The following GRAMD1B variants were observed in gnomAD, a reference collection of about 807,000 sequenced individuals.
GRAMD1B encodes the protein GRAM domain containing 1B.
In GRAMD1B, 37 loss-of-function variants were observed where a neutral mutation model predicts 99.7. The observed-to-expected ratio is 0.37, with a 90% confidence interval of 0.29 to 0.49. The LOEUF (loss-of-function observed/expected upper bound fraction) is 0.49. GRAMD1B is among the 20% of genes least tolerant of loss of function. GRAMD1B has a pLI of 0.98. For synonymous variants in GRAMD1B, 427 were observed against 387.6 expected, an observed-to-expected ratio of 1.10 and a Z score of -1.19; for missense variants, 888 against 1,009.2, an observed-to-expected ratio of 0.88 and a Z score of 1.63.
At chr11:123,526,932 A>G (rs539526265) in intron 2 of GRAMD1B, among the ~76,000 whole-genome samples, 1 of 152,324 alleles carries the variant, frequency 6.6e-6, no homozygotes, top group South Asian at 2.1e-4. Flanking sequence ...GGGCAGGTGA[A>G]TTGGCTTTTC....
chr11:123,545,518 C>A lies in GRAMD1B; in HGVS notation c.453-31849C>A, dbSNP rs371702493. On this transcript the variant is annotated intron_variant, in intron 2 of 19. Coordinates refer to ENST00000635736, the MANE Select transcript of GRAMD1B (RefSeq NM_001387025.1). ...TCGTTAGTGGTCAAGAGCAGGTATC[C>A]TGGAGCCAGGCCCCTGGGTTTGAAT... Among the ~76,000 whole-genome samples the A allele has an allele frequency of 3.9e-5, 6 of 152,276 alleles. No homozygotes were observed. The South Asian group carries it at 6.2e-4, about 16-fold the overall frequency.
intron 15 of GRAMD1B, 113 bp from the exon 16 acceptor site, chr11:123,613,342 T>C: frequency 1.1e-5 from 8 of 753,724 alleles, no homozygotes; most frequent in Non-Finnish European, 1.8e-5. Flanking sequence ...TCCCTGAGGA[T>C]CCTCAACCCA....
chr11:123,499,007 A>G (rs1001866608), intron 2 of GRAMD1B, among the ~76,000 whole-genome samples: 1 of 152,194 alleles, frequency 6.6e-6, no homozygotes, highest in Non-Finnish European at 1.5e-5. Flanking sequence ...TACTCTAGCT[A>G]ATATCCGGCA....
chr11:123,434,966 G>A (rs1949094713), intron 1 of GRAMD1B, among the ~76,000 whole-genome samples: 1 of 152,210 alleles, frequency 6.6e-6, no homozygotes, highest in Non-Finnish European at 1.5e-5. Context: ...ATCTCTGTGG[G>A]TTAATGGGAA....
At chr11:123,602,301 A>AATTATTAATATT (rs1555097713) in intron 8 of GRAMD1B, among the ~76,000 whole-genome samples, 1 of 150,322 alleles carries the variant, frequency 6.7e-6, no homozygotes, top group South Asian at 2.1e-4. Context: ...GGAGCTCTCA[A>AATTATTAATATT]ATTATTATTA....
intron 19 of GRAMD1B, among the ~76,000 whole-genome samples, chr11:123,619,798 G>C (rs1411576308): frequency 6.6e-6 from 1 of 152,124 alleles, no homozygotes; most frequent in Non-Finnish European, 1.5e-5. Flanking sequence ...TAGTTTCCTT[G>C]GGGGAGGGAG....
At chr11:123,526,094 G>T in intron 2 of GRAMD1B, 1 of 1,525,612 alleles carries the variant, frequency 6.6e-7, no homozygotes, top group South Asian at 1.1e-5. Context: ...TGGGACCTCC[G>T]GAGCTGTAAC....
intron 1 of GRAMD1B, among the ~76,000 whole-genome samples, chr11:123,433,978 C>G (rs542164000): frequency 2.6e-5 from 4 of 152,128 alleles, no homozygotes; most frequent in African/African-American, 9.6e-5. Flanking sequence ...GCCTGTAATC[C>G]TAGCACTTTG....
In GRAMD1B at chr11:123,455,967, C is replaced by T. The variant is rs533870327; in HGVS notation, c.374+24801C>T. 2.6e-4 allele frequency among the ~76,000 whole-genome samples: 40 copies of T among 151,810 alleles called. 2 individuals carry two copies. The South Asian group carries it at 6.5e-3, about 25-fold the overall frequency. On this transcript the variant is annotated intron_variant, in intron 1 of 19. Coordinates refer to ENST00000635736, the MANE Select transcript of GRAMD1B (RefSeq NM_001387025.1). ...GGCGGATCATTTGAGGTCAGGAGTT[C>T]GAGACCAGCCTGACCAACATGGTGA...
chr11:123,525,527 C>G (rs1030102216), intron 2 of GRAMD1B: 1 of 152,804 alleles, frequency 6.5e-6, no homozygotes, highest in African/African-American at 2.4e-5. Flanking sequence ...ACATTCCTCA[C>G]GCACCCTCTC....
chr11:123,571,178 C>T (rs1252099606), intron 2 of GRAMD1B, among the ~76,000 whole-genome samples: 1 of 152,250 alleles, frequency 6.6e-6, no homozygotes, highest in Non-Finnish European at 1.5e-5. Flanking sequence ...CACCGGAACA[C>T]CAACTAACTA....
In GRAMD1B at chr11:123,591,095, ACT is replaced by A. The variant is rs945312850; in HGVS notation, c.685-2982_685-2981del. ...TGCGTGACCACACCACCTCTGGGCTACTCTCTGCCCGTGGACCAGCCGAGAAG... is the reference window on the plus strand; with the variant it reads ...TGCGTGACCACACCACCTCTGGGCTACTCTGCCCGTGGACCAGCCGAGAAG... On this transcript the variant is annotated intron_variant, in intron 4 of 19. Coordinates refer to ENST00000635736, the MANE Select transcript of GRAMD1B (RefSeq NM_001387025.1). The surrounding 1 kb of genome is among the most constrained non-coding windows in gnomAD (Gnocchi z 4.7). The A allele has an allele frequency of 7.5e-5, 17 of 227,794 alleles. No individual in the cohort carries two copies. The highest frequency in any genetic ancestry group is 3.6e-4 in the African/African-American group (16 of 44,342). The allele number at this position is 227,794 out of a possible 1,614,324, so 14.1% of individuals were successfully genotyped here.
chr11:123,555,752 A>T (rs773475707), intron 2 of GRAMD1B, among the ~76,000 whole-genome samples: 9 of 151,446 alleles, frequency 5.9e-5, no homozygotes, highest in South Asian at 2.1e-4. Flanking sequence ...TTTTTTTTTT[A>T]AAACGGAGTT....
intron 2 of GRAMD1B, among the ~76,000 whole-genome samples, chr11:123,523,946 C>A (rs575612579): frequency 2.0e-4 from 31 of 152,344 alleles, no homozygotes; most frequent in Non-Finnish European, 3.1e-4. Flanking sequence ...TAGATCAATT[C>A]CACAGCCAAG....
intron 2 of GRAMD1B, among the ~76,000 whole-genome samples, chr11:123,557,427 G>A (rs914679918): frequency 1.3e-5 from 2 of 152,196 alleles, no homozygotes; most frequent in African/African-American, 4.8e-5. Context: ...TGCATCTTAA[G>A]GAACTGAGAT....
At chr11:123,374,322 T>C (rs1235894370) in intron 1 of GRAMD1B, among the ~76,000 whole-genome samples, 2 of 152,216 alleles carry the variant, frequency 1.3e-5, no homozygotes, top group African/African-American at 4.8e-5. Flanking sequence ...AGAATGGTAA[T>C]GCAAAATAGA....
chr11:123,481,886 T>C (rs1219962086), intron 2 of GRAMD1B, among the ~76,000 whole-genome samples: 1 of 152,134 alleles, frequency 6.6e-6, no homozygotes, highest in Non-Finnish European at 1.5e-5. Flanking sequence ...TTGGTCTAGC[T>C]CTGTTTATCG....
At chr11:123,575,794 G>T (rs528565196) in intron 2 of GRAMD1B, among the ~76,000 whole-genome samples, 7 of 152,250 alleles carry the variant, frequency 4.6e-5, no homozygotes, top group Admixed American at 3.9e-4. Context: ...AGAGAGTAAG[G>T]ATAAGGAATG....
chr11:123,458,794 C>G (rs1453362368), intron 1 of GRAMD1B: 1 of 151,530 alleles, frequency 6.6e-6, no homozygotes, highest in Non-Finnish European at 1.5e-5. Flanking sequence ...ACAAGTATCT[C>G]TCAACATGTA....
Sources: gnomAD v4.1 joint callset for allele counts (sites outside exome capture counted in the v4.1 genomes callset) on GRCh38, gnomAD v4.1.1 for gene constraint, Gnocchi (gnomAD v3.1) non-coding constraint, MANE v1.5 for transcripts, NCBI Gene and HGNC (gene_info 2026-07-23, HGNC 2026-07-21) for gene names.